Variants in SLC25A38 observed in about 807,000 individuals in gnomAD.
The protein encoded by SLC25A38 is solute carrier family 25 member 38, also known as mitochondrial glycine transporter.
Under a neutral mutation model 33.4 loss-of-function variants are expected in SLC25A38, and 27 were observed. The observed-to-expected ratio is 0.81, with a 90% CI of 0.60 to 1.11. The LOEUF is 1.11. SLC25A38 is among the 50% of genes most tolerant of loss of function. The pLI is 0.00. For missense variants in SLC25A38, 344 were observed against 388.8 expected (o/e 0.88, Z 0.97); for synonymous variants, 123 against 145.9 (o/e 0.84, Z 1.13).
intron 1 of SLC25A38, chr3:39,384,569 C>G: frequency 2.6e-6 from 1 of 389,790 alleles, no homozygotes; most frequent in Non-Finnish European, 4.5e-6. Context: ...ACGTTGACGT[C>G]TTTGAAAACC....
At chr3:39,384,510 AT>A (rs758777758) in intron 1 of SLC25A38, 6,852 of 295,920 alleles carry the variant, frequency 0.023, 1 homozygote, top group Middle Eastern at 0.047. Context: ...GGCGGCTTTT[AT>A]TTTTTTTTTT....
At chr3:39,388,533 C>T (rs2041728747) in intron 1 of SLC25A38, 1 of 152,112 alleles carries the variant, frequency 6.6e-6, no homozygotes, top group African/African-American at 2.4e-5. Flanking sequence ...GTTTTAGGGC[C>T]ACAATGTGTC....
At chr3:39,389,000 A>C (rs1255055293) in intron 1 of SLC25A38, among the ~76,000 whole-genome samples, 1 of 152,324 alleles carries the variant, frequency 6.6e-6, no homozygotes, top group Admixed American at 6.5e-5. Context: ...AGGAAATACT[A>C]GGTTCTACAG....
chr3:39,391,743 C>G, intron 4 of SLC25A38, 110 bp from the exon 5 acceptor site: 1 of 1,596,542 alleles, frequency 6.3e-7, no homozygotes. Flanking sequence ...GTCAGACAAG[C>G]CATATGTGAA....
intron 3 of SLC25A38, 43 bp downstream of exon 3, chr3:39,390,550 T>C: frequency 6.3e-7 from 1 of 1,579,200 alleles, no homozygotes; most frequent in Non-Finnish European, 8.7e-7. Flanking sequence ...ATCCACTCCT[T>C]AATAACCAGC....
intron 1 of SLC25A38, among the ~76,000 whole-genome samples, chr3:39,385,274 T>C (rs1031178718): frequency 1.3e-5 from 2 of 152,180 alleles, no homozygotes; most frequent in Non-Finnish European, 2.9e-5. Flanking sequence ...TAACATCTGC[T>C]CTGTGCTAAT....
intron 1 of SLC25A38, 97 bp downstream of exon 1, chr3:39,383,890 GC>G (rs1559389778): frequency 1.5e-6 from 2 of 1,333,726 alleles, no homozygotes; most frequent in African/African-American, 1.5e-5. Context: ...CCTTTTCCGC[GC>G]CCCAGGGTGC....
chr3:39,393,560 C>T (rs1251656408), intron 5 of SLC25A38, among the ~76,000 whole-genome samples: 3 of 152,126 alleles, frequency 2.0e-5, no homozygotes, highest in African/African-American at 4.8e-5. Context: ...AGTGCAGCAA[C>T]GTGATCTTGG....
At position 39,383,799 on chromosome 3, in the gene SLC25A38, G is replaced by A. The variant is rs780237072; in HGVS notation, c.69+6G>A. The stretch of plus-strand genomic sequence containing the variant: ...ACACGGTGGAAACGCTTATGGTGAG[G>A]GCACTGCGGGGAAGGAAGGGCAGGG... On this transcript the variant is annotated splice_donor_region_variant and intron_variant, in intron 1 of 6. Coordinates refer to ENST00000650617, the MANE Select transcript of SLC25A38 (RefSeq NM_017875.4). 2.5e-6 allele frequency: 4 copies of A among 1,614,002 alleles called. No homozygotes were observed. The African/African-American group carries it at 4.0e-5, about 16-fold the overall frequency.
At chr3:39,384,550 G>A in intron 1 of SLC25A38, 1 of 396,384 alleles carries the variant, frequency 2.5e-6, no homozygotes, top group African/African-American at 2.1e-5. Context: ...CGGCGGCGGT[G>A]GCGACTTTAC....
At chr3:39,395,199 G>T (rs1236671972) in intron 6 of SLC25A38, among the ~76,000 whole-genome samples, 1 of 152,192 alleles carries the variant, frequency 6.6e-6, no homozygotes, top group Non-Finnish European at 1.5e-5. Context: ...AAGCTGTCCT[G>T]GGCCACATGC....
chr3:39,395,843 A>G (rs931289329), intron 6 of SLC25A38, among the ~76,000 whole-genome samples: 5 of 152,042 alleles, frequency 3.3e-5, no homozygotes, highest in African/African-American at 1.2e-4. Context: ...GCAACCCTGC[A>G]TAAAGACTTT....
chr3:39,389,339 G>A lies in SLC25A38; in HGVS notation c.70-156G>A, dbSNP rs753703246. On this transcript the variant is annotated intron_variant, in intron 1 of 6. Transcript: ENST00000650617. This position sits in a 1 kb window ranked among gnomAD's most constrained non-coding sequence, Gnocchi z 4.5. The stretch of plus-strand genomic sequence containing the variant: ...AACATTGCAGTATTTTTAATTTCTG[G>A]CTATACTTTTTCCTTCTCCGAGGTA... 4 of 1,123,782 alleles carry A rather than the reference G, an allele frequency of 3.6e-6. No individual in the cohort carries two copies. Among genetic ancestry groups the A allele is most frequent in the Admixed American group, 3.9e-5 (2 of 50,994 alleles). 69.6% of individuals were successfully genotyped at this position (1,123,782 alleles called of 1,614,324 possible).
chr3:39,387,199 T>G (rs1559391199), intron 1 of SLC25A38, among the ~76,000 whole-genome samples: 1 of 152,210 alleles, frequency 6.6e-6, no homozygotes, highest in African/African-American at 2.4e-5. Context: ...GAGTATGAAC[T>G]TTAAGTCCTG....
rs575104655 is a variant in SLC25A38, at chr3:39,396,274, G to A, written c.793-124G>A. ...CCTTGGACCCATTATTCTTACTTTG[G>A]GCATAAAGTTTAGAAACTAAGTCTT... is the stretch of plus-strand genomic sequence containing the variant. On this transcript the variant is annotated intron_variant, in intron 6 of 6. Transcript: ENST00000650617. The A allele has an allele frequency of 2.7e-5, 40 of 1,485,216 alleles. No homozygotes were observed. The African/African-American group carries it at 4.7e-4, about 17-fold the overall frequency. 92.0% of individuals were successfully genotyped at this position (1,485,216 alleles called of 1,614,324 possible). A position where few individuals can be genotyped will look rare whatever the true frequency, so the allele number is the denominator to read the frequency against.
intron 1 of SLC25A38, chr3:39,384,678 T>G (rs1337230760): frequency 5.0e-6 from 2 of 398,574 alleles, no homozygotes; most frequent in Non-Finnish European, 8.8e-6. Context: ...TGGATCCAGT[T>G]TGTACTCTTA....
intron 3 of SLC25A38, among the ~76,000 whole-genome samples, chr3:39,390,806 C>T (rs908769349): frequency 1.3e-5 from 2 of 152,154 alleles, no homozygotes; most frequent in African/African-American, 4.8e-5. Flanking sequence ...GGGATGGTAC[C>T]TCCACACCAG....
chr3:39,389,616 G>C lies in SLC25A38; in HGVS notation c.191G>C (p.Gly64Ala), dbSNP rs1048709412. The stretch of plus-strand genomic sequence containing the variant: ...CAAACCCTCCAGCCCTCAGATCATG[G>C]GTAGGCCCTGCATTTCATTGGGGAA... The part of the protein sequence containing the change: ...RLQTLQPSDH[G>A]SRRVGMLAVL... Residue 64 changes from glycine (G) to alanine (A), a missense_variant and splice_region_variant, in exon 2 of 7, where the codon GGG becomes GCG. By Grantham distance (60) the Gly-to-Ala change is moderately conservative. This residue lies in a region of SLC25A38 where 269 missense variants were observed against 271.8 expected (regional missense o/e 0.99). Transcript: ENST00000650617. The surrounding 1 kb of genome is among the most constrained non-coding windows in gnomAD (Gnocchi z 4.5). 5 of 1,613,998 alleles carry C rather than the reference G, an allele frequency of 3.1e-6. No homozygotes were observed. The Admixed American group carries it at 5.0e-5, about 16-fold the overall frequency.
intron 1 of SLC25A38, chr3:39,384,440 A>C: frequency 2.7e-6 from 1 of 375,920 alleles, no homozygotes; most frequent in South Asian, 1.5e-4. Context: ...TAGACGCTAA[A>C]GGCCTGAGGC....
Sources: gnomAD v4.1 joint callset for allele counts (sites outside exome capture counted in the v4.1 genomes callset) on GRCh38, gnomAD v4.1.1 for gene constraint, gnomAD v4.1.1 regional missense constraint, Gnocchi (gnomAD v3.1) non-coding constraint, MANE v1.5 for transcripts, NCBI Gene and HGNC (gene_info 2026-07-23, HGNC 2026-07-21) for gene names.